Variants in FTSJ3 observed in about 807,000 individuals in gnomAD.
FTSJ3 encodes the protein pre-rRNA 2'-O-ribose RNA methyltransferase FTSJ3.
FTSJ3 carries 46 observed loss-of-function variants against 111.5 expected under a neutral mutation model. The ratio of observed to expected loss-of-function variants is 0.41; its 90% CI spans 0.33 to 0.53. The LOEUF (loss-of-function observed/expected upper bound fraction) is 0.53. Among genes scored for constraint, FTSJ3 ranks in the 20% least tolerant of loss-of-function variants. The pLI, the probability that FTSJ3 is intolerant of heterozygous loss-of-function variation, is 0.19. For missense variants in FTSJ3, 1,075 were observed against 1,063.8 expected, an observed-to-expected ratio of 1.01 and a Z score of -0.15; for synonymous variants, 408 against 383.0, an observed-to-expected ratio of 1.07 and a Z score of -0.76.
rs753538085 is a variant in FTSJ3, at chr17:63,826,540, G to C, written c.173+27C>G. On this transcript the variant is annotated intron_variant, in intron 3 of 20. Transcript: ENST00000427159. Reference sequence around the variant, plus strand: ...TCAGAACCCAGAAAGCGGCCACCAGGAGCAACCTGTGGCGAGTGTTACGAA... The same window carrying C: ...TCAGAACCCAGAAAGCGGCCACCAGCAGCAACCTGTGGCGAGTGTTACGAA... 1.9e-5 allele frequency: 30 copies of C among 1,578,196 alleles called. No homozygotes were observed. The South Asian group carries it at 2.1e-4, about 11-fold the overall frequency.
In FTSJ3 at chr17:63,824,843, G is replaced by A; in HGVS notation, c.798C>T (p.Phe266=). ...DFLRAANPVD[F]LSKASEIMVD... ...GACTCACTTCGCTGGCCTTGGAGAG[G>A]AAGTCAACAGGGTTGGCAGCTCGGA... Residue 266 remains phenylalanine, a synonymous_variant, in exon 9 of 21, where the codon TTC becomes TTT. Transcript: ENST00000427159. 1 of 1,608,892 alleles carries A rather than the reference G, an allele frequency of 6.2e-7. No individual in the cohort carries two copies. The highest frequency in any genetic ancestry group is 8.5e-7 in the Non-Finnish European group (1 of 1,176,710).
rs1354790872 is a variant in FTSJ3 at position 63,825,264 on chromosome 17, T to C, written c.573A>G (p.Ala191=). ...CACCTTGGCAGACTACAAAGATCTC[T>C]GCAGATTCATGGCGAGAGGCTTGGG... The part of the protein sequence containing the change: ...TKPQASRHES[A]EIFVVCQGFL... Residue 191 remains alanine, a synonymous_variant, in exon 7 of 21, where the codon GCA becomes GCG. Coordinates refer to ENST00000427159, the MANE Select transcript of FTSJ3 (RefSeq NM_017647.4). 1.9e-6 allele frequency: 3 copies of C among 1,614,046 alleles called. No homozygotes were observed. Among genetic ancestry groups the C allele is most frequent in the Non-Finnish European group, 1.7e-6 (2 of 1,180,034 alleles).
Position 63,826,820 on chromosome 17 carries a change from G to A in FTSJ3, c.67+16C>T. 6.2e-7 allele frequency: 1 copy of A among 1,613,492 alleles called. No homozygotes were observed. The highest frequency in any genetic ancestry group is 8.5e-7 in the Non-Finnish European group (1 of 1,179,470). On this transcript the variant is annotated intron_variant, in intron 2 of 20. Transcript: ENST00000427159. Reference sequence around the variant, plus strand: ...GATCGCTCGCTCGCTCGCAGACTGAGCGAATCCGGACTCACCCGTCTCCTT... The same window carrying A: ...GATCGCTCGCTCGCTCGCAGACTGAACGAATCCGGACTCACCCGTCTCCTT...
rs1268343875 is a variant in FTSJ3 at position 63,827,459 on chromosome 17, C to T, written c.-434G>A. 5 of 1,551,706 alleles carry T rather than the reference C, an allele frequency of 3.2e-6. No individual in the cohort carries two copies. Among genetic ancestry groups the T allele is most frequent in the Admixed American group, 3.9e-5 (2 of 51,010 alleles). ...TCCGCGCTTGCGCGCCAAGACGGCT[C>T]GGATGCCGGCGGTCTCTGCTGAAGA... is the stretch of plus-strand genomic sequence containing the variant. On this transcript the variant is annotated 5_prime_UTR_variant, in exon 1 of 21. Transcript: ENST00000427159.
At chr17:63,820,970 A>T (rs192706486) in intron 17 of FTSJ3, 32 bp from the exon 18 acceptor site, 21 of 1,610,982 alleles carry the variant, frequency 1.3e-5, no homozygotes, top group Non-Finnish European at 1.6e-5. Flanking sequence ...TCAAAGCTCA[A>T]TTCCCAATAC....
At position 63,820,956 on chromosome 17, in the gene FTSJ3, A is replaced by AAG; in HGVS notation, c.1973-20_1973-19dup. On this transcript the variant is annotated intron_variant, in intron 17 of 20. Coordinates refer to ENST00000427159, the MANE Select transcript of FTSJ3 (RefSeq NM_017647.4). ...ATGTTTCGCTAGAGAGGGAAGGAGAAAGGTCAAAGCTCAATTCCCAATACT... is the reference window on the plus strand; with the variant it reads ...ATGTTTCGCTAGAGAGGGAAGGAGAAAGAGGTCAAAGCTCAATTCCCAATACT... 6.2e-7 allele frequency: 1 copy of AAG among 1,612,020 alleles called. No individual in the cohort carries two copies. The highest frequency in any genetic ancestry group is 2.2e-5 in the East Asian group (1 of 44,874).
In FTSJ3 at chr17:63,827,359, T is replaced by G; in HGVS notation, c.-334A>C. On this transcript the variant is annotated 5_prime_UTR_variant, in exon 1 of 21. Coordinates refer to ENST00000427159, the MANE Select transcript of FTSJ3 (RefSeq NM_017647.4). The stretch of plus-strand genomic sequence containing the variant: ...GCCCCTCCCATCATGGTTCCCTTAG[T>G]GTGGTCTCGCCGCACACCCCGCCCA... 8.0e-7 allele frequency: 1 copy of G among 1,248,050 alleles called. No individual in the cohort carries two copies. Among genetic ancestry groups the G allele is most frequent in the Non-Finnish European group, 1.1e-6 (1 of 880,254 alleles). The allele number at this position is 1,248,050 out of a possible 1,614,324, so 77.3% of individuals were successfully genotyped here.
Position 63,824,717 on chromosome 17 carries a change from C to G in FTSJ3, c.837G>C (p.Glu279Asp), listed in dbSNP as rs1567753621. Residue 279 changes from glutamate (E) to aspartate (D), a missense_variant, in exon 10 of 21, where the codon GAG becomes GAC. Physicochemically the swap from Glu to Asp is conservative, Grantham distance 45. Around this residue, in one of 2 missense-constraint regions of FTSJ3, gnomAD observed 867 missense variants for 796.9 expected, o/e 1.09. Transcript: ENST00000427159. ...KASEIMVDDEELAQHPATTED... is the reference protein window; with the variant it reads ...KASEIMVDDEDLAQHPATTED... ...CAGTGGTAGCTGGATGCTGTGCCAA[C>G]TCTTCATCATCTACCATGATCTGTT... 1 of 1,614,064 alleles carries G rather than the reference C, an allele frequency of 6.2e-7. No individual in the cohort carries two copies. The highest frequency in any genetic ancestry group is 1.7e-5 in the Admixed American group (1 of 60,034).
chr17:63,823,649 T>A (rs1174991207), intron 13 of FTSJ3, 168 bp downstream of exon 13: 1 of 692,866 alleles, frequency 1.4e-6, no homozygotes, highest in African/African-American at 1.8e-5. Flanking sequence ...CTCATCCTTT[T>A]TGGTTTATGT....
At chr17:63,826,529 G>T in intron 3 of FTSJ3, 38 bp downstream of exon 3, 2 of 1,528,638 alleles carry the variant, frequency 1.3e-6, no homozygotes, top group East Asian at 2.3e-5. Flanking sequence ...AACCCAGAAA[G>T]CGGCCACCAG....
In FTSJ3 at chr17:63,825,449, G is replaced by C; in HGVS notation, c.401-13C>G. ...AGTGTCAAATGGGCTGTAGGATAGA[G>C]ACAATTAGTTGACGCACTCTGCAGC... On this transcript the variant is annotated splice_polypyrimidine_tract_variant and intron_variant, in intron 6 of 20. Coordinates refer to ENST00000427159, the MANE Select transcript of FTSJ3 (RefSeq NM_017647.4). 1 of 1,614,044 alleles carries C rather than the reference G, an allele frequency of 6.2e-7. No homozygotes were observed. Among genetic ancestry groups the C allele is most frequent in the Middle Eastern group, 1.6e-4 (1 of 6,062 alleles).
chr17:63,821,723 C>T lies in FTSJ3; in HGVS notation c.1596G>A (p.Lys532=). The part of the protein sequence containing the change: ...QEEQANLWFS[K]GSFAGIEDDA... The stretch of plus-strand genomic sequence containing the variant: ...AGTCTTGCCCCCGGCCTCTCCTTAC[C>T]TTTGAGAACCACAGGTTGGCTTGTT... Residue 532 remains lysine, a splice_region_variant and synonymous_variant, in exon 15 of 21, where the codon AAG becomes AAA. Transcript: ENST00000427159. 3 of 1,614,232 alleles carry T rather than the reference C, an allele frequency of 1.9e-6. No individual in the cohort carries two copies. Among genetic ancestry groups the T allele is most frequent in the Non-Finnish European group, 1.7e-6 (2 of 1,180,038 alleles).
At chr17:63,822,734 G>A (rs185803414) in intron 13 of FTSJ3, among the ~76,000 whole-genome samples, 1 of 152,292 alleles carries the variant, frequency 6.6e-6, no homozygotes, top group East Asian at 1.9e-4. Flanking sequence ...AGGCTGCAGT[G>A]AGTCATGATG....
Position 63,824,236 on chromosome 17 carries a change from G to A in FTSJ3, c.1002C>T (p.Leu334=), listed in dbSNP as rs777358727. The change falls in exon 12 of 21, where the codon CTC becomes CTT. Residue 334 remains leucine (L), a synonymous_variant. Coordinates refer to ENST00000427159, the MANE Select transcript of FTSJ3 (RefSeq NM_017647.4). ...CACCTTCATCTTCCTCTCCAGAGCT[G>A]AGGCTGGCAAAACAGTCCCAAGAGT... ...KEQAKALDIS[L]SSGEEDEGDE... is the part of the protein sequence containing the mutation. 3.1e-6 allele frequency: 5 copies of A among 1,613,998 alleles called. No individual in the cohort carries two copies. The highest frequency in any genetic ancestry group is 1.7e-5 in the Admixed American group (1 of 60,002).
At position 63,820,919 on chromosome 17, in the gene FTSJ3, G is replaced by T; in HGVS notation, c.1992C>A (p.Asp664Glu). ...CAGCACCTAGAGCAAGGCCTTCGGG[G>T]TCCAGTATCCGATGTTTCGCTAGAG... Reference protein sequence around the residue: ...IEDPAKHRILDPEGLALGAVI... With the variant: ...IEDPAKHRILEPEGLALGAVI... The change falls in exon 18 of 21, where the codon GAC becomes GAA. Residue 664 changes from aspartate to glutamate, a missense_variant. By Grantham distance (45) the Asp-to-Glu change is conservative. Coordinates refer to ENST00000427159, the MANE Select transcript of FTSJ3 (RefSeq NM_017647.4). 6.2e-7 allele frequency: 1 copy of T among 1,614,140 alleles called. No individual in the cohort carries two copies. Among genetic ancestry groups the T allele is most frequent in the East Asian group, 2.2e-5 (1 of 44,882 alleles).
Position 63,820,350 on chromosome 17 carries a change from T to A in FTSJ3, c.2161A>T (p.Lys721Ter). Residue 721 changes from lysine to a stop codon, truncating the protein, a stop_gained, in exon 19 of 21, where the codon AAG becomes TAG. Transcript: ENST00000427159. LOFTEE classifies it high-confidence loss of function. The part of the protein sequence containing the change: ...QHRIRQLPVG[K>*]KEVEHYRKRW... ...TTCCGGTAATGCTCCACCTCCTTCT[T>A]ACCAACAGGCAACTGTCGTATCCGG... is the stretch of plus-strand genomic sequence containing the variant. 6.2e-7 allele frequency: 1 copy of A among 1,614,152 alleles called. No individual in the cohort carries two copies. The highest frequency in any genetic ancestry group is 8.5e-7 in the Non-Finnish European group (1 of 1,180,032).
rs975586880 is a variant in FTSJ3, at chr17:63,827,089, A to G, written c.-64T>C. On this transcript the variant is annotated 5_prime_UTR_variant, in exon 1 of 21. Coordinates refer to ENST00000427159, the MANE Select transcript of FTSJ3 (RefSeq NM_017647.4). Reference sequence around the variant, plus strand: ...CCGCTTTCTCCACACTTGGAACCGCACAAGTATGCAGCTAACTACTTCCGC... The same window carrying G: ...CCGCTTTCTCCACACTTGGAACCGCGCAAGTATGCAGCTAACTACTTCCGC... The G allele has an allele frequency of 8.5e-6, 5 of 586,578 alleles. No individual in the cohort carries two copies. Among genetic ancestry groups the G allele is most frequent in the African/African-American group, 3.1e-5 (1 of 32,650 alleles). The allele number at this position is 586,578 out of a possible 1,614,324, so 36.3% of individuals were successfully genotyped here. A position where few individuals can be genotyped will look rare whatever the true frequency, so the allele number is the denominator to read the frequency against.
chr17:63,820,228 C>T (rs766869286), intron 19 of FTSJ3, 27 bp downstream of exon 19: 1 of 1,609,136 alleles, frequency 6.2e-7, no homozygotes, highest in South Asian at 1.1e-5. Context: ...CCCACCCCAC[C>T]CAATCTCTGG....
At position 63,824,905 on chromosome 17, in the gene FTSJ3, G is replaced by T. The variant is rs777521053; in HGVS notation, c.736C>A (p.Leu246Ile). The T allele has an allele frequency of 1.9e-6, 3 of 1,588,790 alleles. No homozygotes were observed. The highest frequency in any genetic ancestry group is 2.6e-6 in the Non-Finnish European group (3 of 1,166,500). The change falls in exon 9 of 21, where the codon CTC becomes ATC. Residue 246 changes from leucine to isoleucine, a missense_variant. Transcript: ENST00000427159. ...ACTGAGGTACGGTGATAGAGAGTGAGGTCACCCTCAGCATAGCCTTCAGCC... is the reference window on the plus strand; with the variant it reads ...ACTGAGGTACGGTGATAGAGAGTGATGTCACCCTCAGCATAGCCTTCAGCC... ...PKAEGYAEGD[L>I]TLYHRTSVTD...
Sources: allele counts gnomAD v4.1 joint callset (sites outside exome capture counted in the v4.1 genomes callset), GRCh38; gene constraint gnomAD v4.1.1; regional missense constraint gnomAD v4.1.1; transcripts MANE v1.5; gene names NCBI Gene and HGNC (gene_info 2026-07-23, HGNC 2026-07-21).